Variants in FOXN3 observed in about 807,000 individuals in gnomAD.
The protein encoded by FOXN3 is forkhead box protein N3.
Under a neutral mutation model 38.4 loss-of-function variants are expected in FOXN3, and 7 were observed. The observed-to-expected ratio is 0.18, with a 90% CI of 0.10 to 0.34. The LOEUF (loss-of-function observed/expected upper bound fraction) is 0.34. Among genes scored for constraint, FOXN3 ranks in the 10% least tolerant of loss-of-function variants. FOXN3 has a pLI of 1.00. For missense variants in FOXN3, 456 were observed against 613.4 expected (o/e 0.74, Z 2.71); for synonymous variants, 230 against 242.2 (o/e 0.95, Z 0.47).
chr14:89,234,229 T>C (rs995052446), intron 4 of FOXN3, among the ~76,000 whole-genome samples: 2 of 152,234 alleles, frequency 1.3e-5, no homozygotes, highest in African/African-American at 4.8e-5. Context: ...TGCCACAAAC[T>C]GAGTTCTTCA....
At chr14:89,330,320 C>T (rs1888211264) in intron 3 of FOXN3, among the ~76,000 whole-genome samples, 1 of 152,154 alleles carries the variant, frequency 6.6e-6, no homozygotes, top group Non-Finnish European at 1.5e-5. Flanking sequence ...CAGAAATTGC[C>T]CTGCACTGGG....
intron 3 of FOXN3, among the ~76,000 whole-genome samples, chr14:89,306,171 G>C (rs1381284222): frequency 2.6e-5 from 4 of 152,072 alleles, no homozygotes; most frequent in Non-Finnish European, 4.4e-5. Context: ...GAGTTTTTCA[G>C]TCCCTGAGGC....
chr14:89,511,247 T>TTTTCTTTC (rs869191500), intron 1 of FOXN3, among the ~76,000 whole-genome samples: 359 of 11,272 alleles, frequency 0.032, 60 homozygotes, highest in Non-Finnish European at 0.051. Context: ...CTTTTCTTTC[T>TTTTCTTTC]TTTCTTTCTT....
chr14:89,414,551 G>GT (rs748504239), intron 1 of FOXN3, among the ~76,000 whole-genome samples: 1,972 of 122,892 alleles, frequency 0.016, 26 homozygotes, highest in South Asian at 0.019. Context: ...GGCCCAACCG[G>GT]TTTTTTTTTT....
chr14:89,393,721 C>T (rs894581623), intron 2 of FOXN3, among the ~76,000 whole-genome samples: 1 of 152,198 alleles, frequency 6.6e-6, no homozygotes, highest in African/African-American at 2.4e-5. Context: ...AACAAAATAA[C>T]CATCTGGCAA....
At chr14:89,224,905 C>T (rs928879897) in intron 4 of FOXN3, among the ~76,000 whole-genome samples, 5 of 151,820 alleles carry the variant, frequency 3.3e-5, no homozygotes, top group African/African-American at 9.7e-5. Context: ...CCGAGGCGGG[C>T]GGATCACGAG....
intron 1 of FOXN3, among the ~76,000 whole-genome samples, chr14:89,478,869 T>G (rs1055536007): frequency 1.6e-5 from 2 of 125,816 alleles, no homozygotes; most frequent in Non-Finnish European, 3.1e-5. Flanking sequence ...GAGGCGGAGG[T>G]TGCAGTGAGC....
intron 1 of FOXN3, among the ~76,000 whole-genome samples, chr14:89,449,368 A>G (rs1892571024): frequency 1.3e-5 from 2 of 152,200 alleles, no homozygotes; most frequent in Admixed American, 6.5e-5. Flanking sequence ...TCTTATATTT[A>G]CATACACATA....
At chr14:89,395,089 T>C (rs550762599) in intron 2 of FOXN3, among the ~76,000 whole-genome samples, 3 of 152,340 alleles carry the variant, frequency 2.0e-5, no homozygotes, top group South Asian at 4.1e-4. Flanking sequence ...AGCTGCCACA[T>C]CTAGCTCCTT....
chr14:89,256,081 C>T (rs1167705116), intron 4 of FOXN3, among the ~76,000 whole-genome samples: 1 of 152,144 alleles, frequency 6.6e-6, no homozygotes, highest in Non-Finnish European at 1.5e-5. Flanking sequence ...CTCATGGTTG[C>T]CTGGTGCCAG....
chr14:89,156,517 C>G lies in FOXN3; in HGVS notation c.*5897G>C, dbSNP rs1450756623. 1.3e-5 allele frequency: 2 copies of G among 152,512 alleles called. No homozygotes were observed. The highest frequency in any genetic ancestry group is 2.9e-5 in the Non-Finnish European group (2 of 68,024). 9.4% of individuals were successfully genotyped at this position (152,512 alleles called of 1,614,324 possible). A position where few individuals can be genotyped will look rare whatever the true frequency, so the allele number is the denominator to read the frequency against. On this transcript the variant is annotated 3_prime_UTR_variant, in exon 6 of 6. Coordinates refer to ENST00000557258, the MANE Select transcript of FOXN3 (RefSeq NM_005197.4). ...ACAGAAAATACAGAAAAAAAATTGG[C>G]TTTTGAAAAATTATTACTCTCGTAA...
At chr14:89,423,032 A>G (rs1459651283) in intron 1 of FOXN3, among the ~76,000 whole-genome samples, 1 of 152,246 alleles carries the variant, frequency 6.6e-6, no homozygotes. Flanking sequence ...TAATTCCGTC[A>G]ACAAGTAAGC....
chr14:89,342,344 A>G (rs1888641674), intron 3 of FOXN3, among the ~76,000 whole-genome samples: 1 of 152,240 alleles, frequency 6.6e-6, no homozygotes, highest in African/African-American at 2.4e-5. Context: ...GATAACAGGG[A>G]CTGTTTTCCA....
chr14:89,611,413 A>T (rs1352039548), intron 1 of FOXN3, among the ~76,000 whole-genome samples: 5 of 152,228 alleles, frequency 3.3e-5, no homozygotes, highest in Non-Finnish European at 7.3e-5. Context: ...GACTGGGTAT[A>T]ATCTTTGGGT....
chr14:89,157,535 T>TA lies in FOXN3; in HGVS notation c.*4878dup, dbSNP rs1887008206. ...TATACAGAACACTGAATGCCATGTG[T>TA]AAATCCTCATGAAACTCCAGAAACA... is the stretch of plus-strand genomic sequence containing the variant. On this transcript the variant is annotated 3_prime_UTR_variant, in exon 6 of 6. Transcript: ENST00000557258. 6.6e-6 allele frequency: 1 copy of TA among 152,584 alleles called. No homozygotes were observed. Among genetic ancestry groups the TA allele is most frequent in the African/African-American group, 2.4e-5 (1 of 41,428 alleles). 9.5% of individuals were successfully genotyped at this position (152,584 alleles called of 1,614,324 possible).
intron 1 of FOXN3, among the ~76,000 whole-genome samples, chr14:89,561,961 T>C (rs924896564): frequency 1.3e-4 from 20 of 152,228 alleles, no homozygotes; most frequent in African/African-American, 4.8e-4. Flanking sequence ...CTAGGCATCA[T>C]ATTTGTATAT....
chr14:89,187,244 G>A (rs1249147541), intron 4 of FOXN3, among the ~76,000 whole-genome samples: 3 of 152,102 alleles, frequency 2.0e-5, no homozygotes, highest in African/African-American at 7.2e-5. Context: ...GAAAACAAGG[G>A]GCTATAAATA....
rs367818959 is a variant in FOXN3 at position 89,426,152 on chromosome 14, G to A, written c.-14-13662C>T. Among the ~76,000 whole-genome samples the A allele has an allele frequency of 9.3e-5, 14 of 150,830 alleles. No individual in the cohort carries two copies. In the East Asian group the frequency reaches 1.7e-3, roughly 19 times the overall value. On this transcript the variant is annotated intron_variant, in intron 1 of 6. Coordinates refer to the FOXN3 transcript ENST00000345097. Reference sequence around the variant, plus strand: ...ACTTTGTTCACCCTCAGCTGGGAACGTGCACACTGAATGACTCATTTGTAC... The same window carrying A: ...ACTTTGTTCACCCTCAGCTGGGAACATGCACACTGAATGACTCATTTGTAC...
chr14:89,303,705 T>C (rs886686010), intron 3 of FOXN3, among the ~76,000 whole-genome samples: 1 of 152,170 alleles, frequency 6.6e-6, no homozygotes, highest in Non-Finnish European at 1.5e-5. Context: ...TTTGGTGATC[T>C]ACAGAAAAGA....
Sources: gnomAD v4.1 joint callset for allele counts (sites outside exome capture counted in the v4.1 genomes callset) on GRCh38, gnomAD v4.1.1 for gene constraint, MANE v1.5 for transcripts, NCBI Gene and HGNC (gene_info 2026-07-23, HGNC 2026-07-21) for gene names.